The following RAD54L2 variants were observed in gnomAD, a reference collection of about 807,000 sequenced individuals.
RAD54L2 encodes the protein RAD54 like 2.
In RAD54L2, 27 loss-of-function variants were observed where a neutral mutation model predicts 138.4. The ratio of observed to expected loss-of-function variants is 0.20; its 90% CI spans 0.14 to 0.27. The LOEUF (loss-of-function observed/expected upper bound fraction) is 0.27, where lower values mean the gene tolerates loss of function less well. Among genes scored for constraint, RAD54L2 ranks in the 10% least tolerant of loss-of-function variants. The pLI is 1.00. For missense variants in RAD54L2, 1,396 were observed against 1,890.2 expected, an observed-to-expected ratio of 0.74 and a Z score of 4.85; for synonymous variants, 644 against 723.2, an observed-to-expected ratio of 0.89 and a Z score of 1.76.
chr3:51,582,203 T>C (rs1310240835), intron 2 of RAD54L2, among the ~76,000 whole-genome samples: 1 of 152,136 alleles, frequency 6.6e-6, no homozygotes, highest in Non-Finnish European at 1.5e-5. Context: ...CCACTGTGCC[T>C]GGCCAGTAAT....
chr3:51,539,221 T>A (rs1314984323), intron 1 of RAD54L2, among the ~76,000 whole-genome samples: 1 of 152,034 alleles, frequency 6.6e-6, no homozygotes, highest in African/African-American at 2.4e-5. Flanking sequence ...CGCTTTTGGC[T>A]CTGGATGCTG....
At chr3:51,561,929 C>T (rs575790026) in intron 2 of RAD54L2, among the ~76,000 whole-genome samples, 1 of 150,234 alleles carries the variant, frequency 6.7e-6, no homozygotes, top group South Asian at 2.1e-4. Flanking sequence ...AGTGCAGTGG[C>T]GCAATTGTGG....
intron 3 of RAD54L2, among the ~76,000 whole-genome samples, chr3:51,607,777 C>T (rs1254924306): frequency 2.0e-5 from 3 of 151,078 alleles, no homozygotes; most frequent in Non-Finnish European, 4.4e-5. Context: ...AGGGGCCCCC[C>T]ACCTCCCAGA....
In RAD54L2 at chr3:51,610,657, A is replaced by AAAAAAC. The variant is rs1180965179; in HGVS notation, c.140-16896_140-16895insAAAAAC. On this transcript the variant is annotated intron_variant, in intron 3 of 22. Coordinates refer to ENST00000684192, the MANE Select transcript of RAD54L2 (RefSeq NM_015106.4). ...TCCATCTCAAAAAAAAAAAAAAAAA[A>AAAAAAC]CAGAAAGAATGAATGAATCTTCTTT... Among the ~76,000 whole-genome samples the AAAAAAC allele has an allele frequency of 3.3e-5, 5 of 151,184 alleles. No individual in the cohort carries two copies. In the South Asian group the frequency reaches 8.3e-4, roughly 25 times the overall value.
At chr3:51,585,882 G>C (rs1252960442) in intron 2 of RAD54L2, among the ~76,000 whole-genome samples, 2 of 152,124 alleles carry the variant, frequency 1.3e-5, no homozygotes, top group East Asian at 3.8e-4. Flanking sequence ...TCATTAAGGT[G>C]CAGCATACCC....
intron 4 of RAD54L2, among the ~76,000 whole-genome samples, chr3:51,628,925 A>G (rs1371473286): frequency 6.6e-6 from 1 of 151,172 alleles, no homozygotes; most frequent in African/African-American, 2.4e-5. Context: ...CGTGTTAGCC[A>G]GACTGGTCTC....
At chr3:51,615,986 C>CA in intron 3 of RAD54L2, among the ~76,000 whole-genome samples, 1 of 151,580 alleles carries the variant, frequency 6.6e-6, no homozygotes, top group Non-Finnish European at 1.5e-5. Context: ...TCTTCTTTTT[C>CA]AAAAAAAGTT....
intron 10 of RAD54L2, chr3:51,636,934 A>G (rs1700995768): frequency 1.8e-6 from 1 of 547,874 alleles, no homozygotes; most frequent in African/African-American, 1.9e-5. Flanking sequence ...CTCTGTCTCA[A>G]AAAAGAAAAA....
intron 19 of RAD54L2, among the ~76,000 whole-genome samples, chr3:51,651,999 C>A (rs900840998): frequency 1.3e-5 from 2 of 152,156 alleles, no homozygotes; most frequent in Admixed American, 6.5e-5. Flanking sequence ...GTCAAATTGT[C>A]CCTATTTGCA....
intron 2 of RAD54L2, among the ~76,000 whole-genome samples, chr3:51,572,930 G>C (rs1699371585): frequency 6.6e-6 from 1 of 151,970 alleles, no homozygotes; most frequent in Non-Finnish European, 1.5e-5. Flanking sequence ...GAGCCACTGT[G>C]CCTGGCAAAA....
intron 3 of RAD54L2, among the ~76,000 whole-genome samples, chr3:51,613,155 TG>T (rs1700369081): frequency 6.6e-6 from 1 of 152,082 alleles, no homozygotes; most frequent in African/African-American, 2.4e-5. Context: ...TTAGCCAGTG[TG>T]GTCTCCATCT....
At chr3:51,642,403 C>A (rs1370519012) in intron 15 of RAD54L2, among the ~76,000 whole-genome samples, 1 of 145,262 alleles carries the variant, frequency 6.9e-6, no homozygotes, top group Non-Finnish European at 1.5e-5. Context: ...ACATACAGTA[C>A]GTAAACAGAT....
intron 2 of RAD54L2, among the ~76,000 whole-genome samples, chr3:51,576,501 A>G (rs979983381): frequency 2.6e-5 from 4 of 152,086 alleles, no homozygotes; most frequent in African/African-American, 9.7e-5. Context: ...TTGGTAGGCT[A>G]TTAATTATTG....
chr3:51,653,896 C>T (rs929463038), intron 19 of RAD54L2, among the ~76,000 whole-genome samples: 3 of 152,144 alleles, frequency 2.0e-5, no homozygotes, highest in African/African-American at 4.8e-5. Context: ...CAACCCTACA[C>T]GTTGTGCATG....
chr3:51,646,743 G>T (rs764002427), intron 19 of RAD54L2, among the ~76,000 whole-genome samples: 1 of 152,146 alleles, frequency 6.6e-6, no homozygotes, highest in African/African-American at 2.4e-5. Flanking sequence ...AGGAGACGGG[G>T]ATAAAGCTTC....
chr3:51,588,305 C>T (rs919496819), intron 2 of RAD54L2, among the ~76,000 whole-genome samples: 3 of 150,032 alleles, frequency 2.0e-5, no homozygotes, highest in Non-Finnish European at 3.0e-5. Context: ...GAGGCTGAGG[C>T]GGGAGGATCA....
At chr3:51,599,024 C>T (rs1242875156) in intron 3 of RAD54L2, among the ~76,000 whole-genome samples, 2 of 152,082 alleles carry the variant, frequency 1.3e-5, no homozygotes, top group African/African-American at 4.8e-5. Context: ...TGGTGTGCGT[C>T]GGGGGGCAGT....
intron 10 of RAD54L2, among the ~76,000 whole-genome samples, chr3:51,636,092 C>T: frequency 6.6e-6 from 1 of 152,304 alleles, no homozygotes; most frequent in South Asian, 2.1e-4. Flanking sequence ...TCCTTTACCA[C>T]TTTCTAGAGA....
chr3:51,626,360 A>G (rs1700682193), intron 3 of RAD54L2, among the ~76,000 whole-genome samples: 1 of 147,284 alleles, frequency 6.8e-6, no homozygotes, highest in Non-Finnish European at 1.5e-5. Flanking sequence ...GGGTATGCAC[A>G]TGGATCCGCC....
Sources: gnomAD v4.1 joint callset for allele counts (sites outside exome capture counted in the v4.1 genomes callset) on GRCh38, gnomAD v4.1.1 for gene constraint, MANE v1.5 for transcripts, NCBI Gene and HGNC (gene_info 2026-07-23, HGNC 2026-07-21) for gene names.